The following ULK4 variants were observed in gnomAD, a reference collection of about 807,000 sequenced individuals.
ULK4 encodes the protein unc-51 like kinase 4.
In ULK4, 133 loss-of-function variants were observed where a neutral mutation model predicts 160.6. The observed-to-expected ratio is 0.83, with a 90% CI of 0.72 to 0.96. ULK4 has a LOEUF of 0.96. Ranked by LOEUF, ULK4 falls within the 40% of genes least tolerant of loss-of-function variation. The pLI is 0.00. For synonymous variants in ULK4, 534 were observed against 539.8 expected (o/e 0.99, Z 0.15); for missense variants, 1,580 against 1,499.5 (o/e 1.05, Z -0.89).
chr3:41,808,589 C>G (rs2040723723), intron 19 of ULK4, among the ~76,000 whole-genome samples: 1 of 152,200 alleles, frequency 6.6e-6, no homozygotes, highest in South Asian at 2.1e-4. Flanking sequence ...AGACCTATTT[C>G]TTCACAGCAC....
intron 30 of ULK4, among the ~76,000 whole-genome samples, chr3:41,647,201 T>C (rs1359467908): frequency 6.6e-6 from 1 of 152,258 alleles, no homozygotes; most frequent in Non-Finnish European, 1.5e-5. Context: ...CTCGTCAAAG[T>C]CATTCTCCAT....
chr3:41,397,050 C>G (rs2082076979), intron 35 of ULK4, among the ~76,000 whole-genome samples: 1 of 152,052 alleles, frequency 6.6e-6, no homozygotes, highest in Non-Finnish European at 1.5e-5. Flanking sequence ...ACATCCACAG[C>G]CTCCACCTGC....
rs1361076662 is a variant in ULK4, at chr3:41,491,975, T to A, written c.3227-28722A>T. 2.7e-5 allele frequency among the ~76,000 whole-genome samples: 4 copies of A among 147,046 alleles called. No individual in the cohort carries two copies. The Admixed American group carries it at 2.8e-4, about 10-fold the overall frequency. On this transcript the variant is annotated intron_variant, in intron 32 of 36. Coordinates refer to ENST00000301831, the MANE Select transcript of ULK4 (RefSeq NM_017886.4). ...CAATTCCCATCTATGAATGAGAACA[T>A]GTGGTGTTTGGTTTTTTGTCTTTGC...
chr3:41,555,790 T>C (rs911286627), intron 32 of ULK4, among the ~76,000 whole-genome samples: 11 of 152,186 alleles, frequency 7.2e-5, no homozygotes, highest in East Asian at 1.9e-4. Flanking sequence ...AATGATAGCC[T>C]GGATAAAGAA....
At chr3:41,721,344 ATATATATATATATATATAT>A (rs2037456010) in intron 22 of ULK4, among the ~76,000 whole-genome samples, 1 of 47,292 alleles carries the variant, frequency 2.1e-5, no homozygotes, top group African/African-American at 1.2e-4. Flanking sequence ...ATATATATAT[ATATATATATATATATATAT>A]TTTTTTTTTT....
intron 19 of ULK4, among the ~76,000 whole-genome samples, chr3:41,801,050 T>C (rs918447079): frequency 2.0e-5 from 3 of 152,170 alleles, no homozygotes; most frequent in Non-Finnish European, 4.4e-5. Context: ...AAATGACTGA[T>C]AGACTTAGTA....
chr3:41,262,293 C>T (rs2125677896), intron 35 of ULK4, among the ~76,000 whole-genome samples: 1 of 152,286 alleles, frequency 6.6e-6, no homozygotes, highest in Non-Finnish European at 1.5e-5. Context: ...GCCCAGGTTC[C>T]CAAGGAAATA....
intron 18 of ULK4, among the ~76,000 whole-genome samples, chr3:41,828,830 A>G (rs2041464496): frequency 1.3e-5 from 2 of 152,196 alleles, no homozygotes; most frequent in African/African-American, 4.8e-5. Flanking sequence ...AAGAGCCCAC[A>G]TTGCCAAGTC....
intron 35 of ULK4, among the ~76,000 whole-genome samples, chr3:41,314,815 C>CTGTG (rs35458996): frequency 0.013 from 1,904 of 149,536 alleles, 20 homozygotes; most frequent in African/African-American, 0.029. Context: ...TGCAGTGTGT[C>CTGTG]TGTGTGTGTG....
At chr3:41,532,537 A>T (rs2086356597) in intron 32 of ULK4, among the ~76,000 whole-genome samples, 1 of 152,148 alleles carries the variant, frequency 6.6e-6, no homozygotes, top group South Asian at 2.1e-4. Context: ...GGTCAGTTTT[A>T]TTCATTGCTG....
chr3:41,261,714 C>G (rs2078947746), intron 35 of ULK4, among the ~76,000 whole-genome samples: 1 of 152,178 alleles, frequency 6.6e-6, no homozygotes, highest in Non-Finnish European at 1.5e-5. Context: ...CAGAATCTCT[C>G]TCCCAGATGG....
chr3:41,328,185 T>TG (rs2080372791), intron 35 of ULK4, among the ~76,000 whole-genome samples: 1 of 152,136 alleles, frequency 6.6e-6, no homozygotes, highest in African/African-American at 2.4e-5. Flanking sequence ...TCGAACATTA[T>TG]GGGGAGTTCT....
chr3:41,854,589 A>G (rs1411687040), intron 17 of ULK4, among the ~76,000 whole-genome samples: 1 of 152,164 alleles, frequency 6.6e-6, no homozygotes, highest in Non-Finnish European at 1.5e-5. Context: ...TTGATATTTA[A>G]TAAGAAAATT....
At chr3:41,254,746 G>A (rs1257951233) in intron 35 of ULK4, among the ~76,000 whole-genome samples, 2 of 151,990 alleles carry the variant, frequency 1.3e-5, no homozygotes, top group Non-Finnish European at 2.9e-5. Flanking sequence ...GCCAGGCGTG[G>A]TGGAGGGTGC....
chr3:41,546,607 T>C (rs895321329), intron 32 of ULK4, among the ~76,000 whole-genome samples: 1 of 152,084 alleles, frequency 6.6e-6, no homozygotes, highest in Non-Finnish European at 1.5e-5. Flanking sequence ...AAAACTCCGA[T>C]GTAGGTTTCT....
intron 21 of ULK4, among the ~76,000 whole-genome samples, chr3:41,762,114 A>C (rs1410294664): frequency 6.6e-6 from 1 of 152,102 alleles, no homozygotes; most frequent in Non-Finnish European, 1.5e-5. Flanking sequence ...CTAGAAATTA[A>C]TTAAAACATA....
chr3:41,707,955 T>C, intron 25 of ULK4, among the ~76,000 whole-genome samples: 1 of 151,858 alleles, frequency 6.6e-6, no homozygotes, highest in East Asian at 1.9e-4. Context: ...ATTAAAACTA[T>C]AATGAGATAT....
At chr3:41,429,090 AAC>A (rs1490927791) in intron 34 of ULK4, among the ~76,000 whole-genome samples, 7 of 152,092 alleles carry the variant, frequency 4.6e-5, no homozygotes, top group African/African-American at 1.7e-4. Context: ...GCAGGGAAAA[AAC>A]ATAAACAGAC....
intron 31 of ULK4, among the ~76,000 whole-genome samples, chr3:41,584,524 T>C (rs2030642994): frequency 6.6e-6 from 1 of 152,138 alleles, no homozygotes; most frequent in South Asian, 2.1e-4. Context: ...TGGGCTGAAG[T>C]GATCCTCCTT....
Sources: gnomAD v4.1 joint callset for allele counts (sites outside exome capture counted in the v4.1 genomes callset) on GRCh38, gnomAD v4.1.1 for gene constraint, MANE v1.5 for transcripts, NCBI Gene and HGNC (gene_info 2026-07-23, HGNC 2026-07-21) for gene names.